SCAF1: variants seen among roughly 807,000 people sequenced by gnomAD.
The protein encoded by SCAF1 is SR-related CTD associated factor 1.
In SCAF1, 28 loss-of-function variants were observed where a neutral mutation model predicts 91.2. That is an observed-to-expected ratio of 0.31 (90% CI 0.23 to 0.42). SCAF1 has a LOEUF of 0.42. SCAF1 is among the 10% of genes least tolerant of loss of function. SCAF1 has a pLI of 1.00. For missense variants in SCAF1, 1,893 were observed against 1,872.1 expected, an observed-to-expected ratio of 1.01 and a Z score of -0.21; for synonymous variants, 1,036 against 833.7, an observed-to-expected ratio of 1.24 and a Z score of -4.18.
At position 49,654,784 on chromosome 19, in the gene SCAF1, A is replaced by G; in HGVS notation, c.3532A>G (p.Thr1178Ala). The part of the protein sequence containing the change: ...GSLPLGGCGS[T>A]PPTPTGLAAT... ...CCTCCCTCTGGGGGGCTGCGGTTCG[A>G]CCCCCCCCACCCCCACCGGGCTGGC... Residue 1178 changes from threonine (T) to alanine (A), a missense_variant, in exon 9 of 11, where the codon ACC (threonine) becomes GCC (alanine). Coordinates refer to ENST00000360565, the MANE Select transcript of SCAF1 (RefSeq NM_021228.3). The G allele has an allele frequency of 6.2e-7, 1 of 1,606,120 alleles. No individual in the cohort carries two copies. The highest frequency in any genetic ancestry group is 1.7e-5 in the Admixed American group (1 of 59,396).
chr19:49,651,008 T>TGCCCCGG lies in SCAF1; in HGVS notation c.619_620insGCCCCGG (p.Ser207CysfsTer25). 1 of 583,740 alleles carries TGCCCCGG rather than the reference T, an allele frequency of 1.7e-6. No homozygotes were observed. The highest frequency in any genetic ancestry group is 2.6e-6 in the Non-Finnish European group (1 of 389,050). The allele number at this position is 583,740 out of a possible 1,614,324, so 36.2% of individuals were successfully genotyped here. A position where few individuals can be genotyped will look rare whatever the true frequency, so the allele number is the denominator to read the frequency against. On this transcript the variant is annotated frameshift_variant, in exon 7 of 11. Coordinates refer to ENST00000360565, the MANE Select transcript of SCAF1 (RefSeq NM_021228.3). LOFTEE classifies it high-confidence loss of function. ...CCCTTCTCCCTCATCTTCCTCCCCT[T>TGCCCCGG]CCCCTCCCCCACCCCCACCGCCCCC...
chr19:49,654,227 A>T, intron 7 of SCAF1, 122 bp from the exon 8 acceptor site: 1 of 779,712 alleles, frequency 1.3e-6, no homozygotes, highest in South Asian at 1.7e-5. Flanking sequence ...TCTGAGCGTG[A>T]GGCTTTGTGG....
Position 49,653,535 on chromosome 19 carries a change from G to C in SCAF1, c.3146G>C (p.Ser1049Thr), listed in dbSNP as rs751105830. The C allele has an allele frequency of 1.1e-5, 18 of 1,580,354 alleles. No homozygotes were observed. The highest frequency in any genetic ancestry group is 2.6e-6 in the Non-Finnish European group (3 of 1,167,510). ...EQQPATTTAT[S>T]TAAAAPSTAP... ...CAGCCTGCTACCACCACGGCCACCA[G>C]CACTGCTGCAGCCGCCCCAAGCACT... The change falls in exon 7 of 11, where the codon AGC becomes ACC. Residue 1049 changes from serine to threonine, a missense_variant. Ser to Thr is a moderately conservative substitution (Grantham distance 58). This residue lies in a region of SCAF1 where 1,436 missense variants were observed against 1,306.8 expected (regional missense o/e 1.10). Transcript: ENST00000360565.
intron 6 of SCAF1, among the ~76,000 whole-genome samples, 193 bp downstream of exon 6, chr19:49,647,023 G>A (rs1274879667): frequency 6.6e-6 from 1 of 152,264 alleles, no homozygotes; most frequent in Non-Finnish European, 1.5e-5. Flanking sequence ...GGGGCTATGT[G>A]GGAGTGGTCA....
rs1339047776 is a variant in SCAF1, at chr19:49,651,435, G to A, written c.1046G>A (p.Arg349His). ...VDSTRADGAM[R>H]RRVFVVGTEA... ...TCCACCCGGGCTGATGGAGCCATGC[G>A]CCGGCGGGTCTTCGTGGTGGGGACC... is the stretch of plus-strand genomic sequence containing the variant. Residue 349 changes from arginine (R) to histidine (H), a missense_variant, in exon 7 of 11, where the codon CGC becomes CAC. By Grantham distance (29) the Arg-to-His change is conservative (BLOSUM62 0). Coordinates refer to ENST00000360565, the MANE Select transcript of SCAF1 (RefSeq NM_021228.3). 12 of 1,597,800 alleles carry A rather than the reference G, an allele frequency of 7.5e-6. No homozygotes were observed. The Admixed American group carries it at 1.0e-4, about 14-fold the overall frequency.
chr19:49,658,338 C>A lies in SCAF1; in HGVS notation c.3878C>A (p.Pro1293Gln). ...KPGDPPGPPR[P>Q]PKEPGPPDKG... ...GGGGACCCCCCAGGGCCCCCACGGC[C>A]GCCCAAGGAGCCAGGGCCCCCAGAC... The change falls in exon 11 of 11, where the codon CCG becomes CAG. Residue 1293 changes from proline (P) to glutamine (Q), a missense_variant. Around this residue, in one of 5 missense-constraint regions of SCAF1, gnomAD observed 51 missense variants for 49.9 expected, o/e 1.02. Coordinates refer to ENST00000360565, the MANE Select transcript of SCAF1 (RefSeq NM_021228.3). The A allele has an allele frequency of 6.3e-7, 1 of 1,584,042 alleles. No homozygotes were observed. Among genetic ancestry groups the A allele is most frequent in the Non-Finnish European group, 8.6e-7 (1 of 1,167,220 alleles).
intron 1 of SCAF1, among the ~76,000 whole-genome samples, chr19:49,644,325 A>T (rs1183412446): frequency 6.6e-6 from 1 of 152,222 alleles, no homozygotes; most frequent in Non-Finnish European, 1.5e-5. Flanking sequence ...AAGAATTTCC[A>T]TGACATTGCA....
intron 1 of SCAF1, among the ~76,000 whole-genome samples, chr19:49,643,319 A>T (rs2081037505): frequency 1.3e-5 from 2 of 152,192 alleles, no homozygotes; most frequent in African/African-American, 4.8e-5. Flanking sequence ...GACCTGGTAC[A>T]GACAGTCATA....
intron 8 of SCAF1, 77 bp from the exon 9 acceptor site, chr19:49,654,575 G>A (rs575534588): frequency 1.5e-5 from 20 of 1,370,882 alleles, no homozygotes; most frequent in African/African-American, 7.2e-5. Context: ...GGAAGTCAGC[G>A]TGGGAACAGT....
Position 49,653,374 on chromosome 19 carries a change from G to T in SCAF1, c.2985G>T (p.Val995=), listed in dbSNP as rs1217294343. 1.3e-6 allele frequency: 2 copies of T among 1,519,970 alleles called. No homozygotes were observed. Among genetic ancestry groups the T allele is most frequent in the Non-Finnish European group, 1.8e-6 (2 of 1,131,574 alleles). 94.2% of individuals were successfully genotyped at this position (1,519,970 alleles called of 1,614,324 possible). A position where few individuals can be genotyped will look rare whatever the true frequency, so the allele number is the denominator to read the frequency against. The part of the protein sequence containing the change: ...PPALTPDSQT[V]DSSCKTPEVS... ...CCCTCACTCCGGACTCGCAGACCGT[G>T]GACAGCAGCTGCAAGACACCTGAGG... is the stretch of plus-strand genomic sequence containing the variant. The change falls in exon 7 of 11, where the codon GTG becomes GTT. Residue 995 remains valine, a synonymous_variant. Coordinates refer to ENST00000360565, the MANE Select transcript of SCAF1 (RefSeq NM_021228.3).
rs1209460329 is a variant in SCAF1 at position 49,651,072 on chromosome 19, A to G, written c.683A>G (p.Tyr228Cys). Reference sequence around the variant, plus strand: ...CCACCTGCCCCCCGATTCGATATCTATGACCCCTTCCACCCCACCGACGAG... The same window carrying G: ...CCACCTGCCCCCCGATTCGATATCTGTGACCCCTTCCACCCCACCGACGAG... ...PAPPAPRFDIYDPFHPTDEAY... is the reference protein window; with the variant it reads ...PAPPAPRFDICDPFHPTDEAY... Residue 228 changes from tyrosine (Y) to cysteine (C), a missense_variant, in exon 7 of 11, where the codon TAT becomes TGT. Transcript: ENST00000360565. The G allele has an allele frequency of 2.8e-6, 4 of 1,418,774 alleles. No homozygotes were observed. Among genetic ancestry groups the G allele is most frequent in the Non-Finnish European group, 3.7e-6 (4 of 1,066,826 alleles). The allele number at this position is 1,418,774 out of a possible 1,614,324, so 87.9% of individuals were successfully genotyped here.
rs1228138518 is a variant in SCAF1 at position 49,658,467 on chromosome 19, C to T, written c.*68C>T. ...GGACGTATTTATGGCTCCACCTCCC[C>T]ACCTCCCTCCCCCGTCAGTGGGATG... is the stretch of plus-strand genomic sequence containing the variant. On this transcript the variant is annotated 3_prime_UTR_variant, in exon 11 of 11. Transcript: ENST00000360565. 2 of 838,748 alleles carry T rather than the reference C, an allele frequency of 2.4e-6. No individual in the cohort carries two copies. The highest frequency in any genetic ancestry group is 1.7e-5 in the African/African-American group (1 of 58,358). The allele number at this position is 838,748 out of a possible 1,614,324, so 52.0% of individuals were successfully genotyped here.
intron 6 of SCAF1, among the ~76,000 whole-genome samples, chr19:49,650,336 C>T (rs1359010551): frequency 6.6e-6 from 1 of 152,176 alleles, no homozygotes; most frequent in Non-Finnish European, 1.5e-5. Flanking sequence ...GCAGCTGGCG[C>T]AGCAGGCCAG....
chr19:49,643,519 A>G (rs1000722274), intron 1 of SCAF1, among the ~76,000 whole-genome samples: 7 of 152,186 alleles, frequency 4.6e-5, no homozygotes, highest in Admixed American at 3.9e-4. Context: ...TCCAGATAGG[A>G]CCTAGCAGTA....
chr19:49,655,000 C>G, intron 9 of SCAF1, 130 bp downstream of exon 9: 2 of 707,086 alleles, frequency 2.8e-6, no homozygotes, highest in Middle Eastern at 4.1e-4. Flanking sequence ...AGACCAAAGT[C>G]ATGGAACCAT....
Position 49,652,330 on chromosome 19 carries a change from G to A in SCAF1, c.1941G>A (p.Ser647=), listed in dbSNP as rs765512508. 9 of 1,534,748 alleles carry A rather than the reference G, an allele frequency of 5.9e-6. No homozygotes were observed. The South Asian group carries it at 9.6e-5, about 16-fold the overall frequency. The part of the protein sequence containing the change: ...GGGSKKKKKR[S]RSRGEKRSGD... Reference sequence around the variant, plus strand: ...GCAGCAAGAAGAAGAAGAAGCGGTCGCGGTCCCGGGGTGAGAAGCGGTCTG... The same window carrying A: ...GCAGCAAGAAGAAGAAGAAGCGGTCACGGTCCCGGGGTGAGAAGCGGTCTG... The change falls in exon 7 of 11, where the codon TCG becomes TCA. Residue 647 remains serine, a synonymous_variant. Coordinates refer to ENST00000360565, the MANE Select transcript of SCAF1 (RefSeq NM_021228.3).
intron 9 of SCAF1, 135 bp from the exon 10 acceptor site, chr19:49,657,626 C>T: frequency 7.9e-6 from 9 of 1,143,720 alleles, no homozygotes; most frequent in Non-Finnish European, 1.1e-5. Flanking sequence ...GACAGACCCT[C>T]AGCAGGACTT....
At chr19:49,641,934 CA>C (rs1356721923), upstream of SCAF1, among the ~76,000 whole-genome samples, 1 of 152,258 alleles carries the variant, frequency 6.6e-6, no homozygotes, top group African/African-American at 2.4e-5. Flanking sequence ...TGTGGGGCGT[CA>C]TCGCGGGCTA....
rs973657961 is a variant in SCAF1 at position 49,645,232 on chromosome 19, T to G, written c.108+98T>G. 1.5e-4 allele frequency: 222 copies of G among 1,488,406 alleles called. No individual in the cohort carries two copies. The highest frequency in any genetic ancestry group is 1.8e-4 in the Non-Finnish European group (195 of 1,069,594). The allele number at this position is 1,488,406 out of a possible 1,614,324, so 92.2% of individuals were successfully genotyped here. A position where few individuals can be genotyped will look rare whatever the true frequency, so the allele number is the denominator to read the frequency against. On this transcript the variant is annotated intron_variant, in intron 2 of 10. Transcript: ENST00000360565. The surrounding 1 kb of genome is among the most constrained non-coding windows in gnomAD (Gnocchi z 4.6). ...GGCCTGAGGCAGGGGCGCTGGACTCTTGGCTCCCTTGAAGCACTTGAGTCT... is the reference window on the plus strand; with the variant it reads ...GGCCTGAGGCAGGGGCGCTGGACTCGTGGCTCCCTTGAAGCACTTGAGTCT...
Sources: gnomAD v4.1 joint callset for allele counts (sites outside exome capture counted in the v4.1 genomes callset) on GRCh38, gnomAD v4.1.1 for gene constraint, gnomAD v4.1.1 regional missense constraint, Gnocchi (gnomAD v3.1) non-coding constraint, MANE v1.5 for transcripts, NCBI Gene and HGNC (gene_info 2026-07-23, HGNC 2026-07-21) for gene names.